PPP1R12B: variants seen among roughly 807,000 people sequenced by gnomAD.
The protein encoded by PPP1R12B is myosin phosphatase target subunit 2.
In PPP1R12B, 76 loss-of-function variants were observed where a neutral mutation model predicts 126.1. The observed-to-expected ratio is 0.60, with a 90% CI of 0.50 to 0.73. The LOEUF (loss-of-function observed/expected upper bound fraction) is 0.73, where lower values mean the gene tolerates loss of function less well. Ranked by LOEUF, PPP1R12B falls within the 30% of genes least tolerant of loss-of-function variation. The pLI, the probability that PPP1R12B is intolerant of heterozygous loss-of-function variation, is 0.00. For synonymous variants in PPP1R12B, 356 were observed against 434.7 expected (o/e 0.82, Z 2.25); for missense variants, 1,052 against 1,205.1 (o/e 0.87, Z 1.88).
intron 18 of PPP1R12B, among the ~76,000 whole-genome samples, chr1:202,500,846 A>G (rs191870244): frequency 2.0e-5 from 3 of 152,260 alleles, no homozygotes; most frequent in Non-Finnish European, 4.4e-5. Context: ...ACGTACTATT[A>G]TAATGCATCA....
At chr1:202,504,002 G>A (rs979255753) in intron 18 of PPP1R12B, among the ~76,000 whole-genome samples, 1 of 152,122 alleles carries the variant, frequency 6.6e-6, no homozygotes, top group Admixed American at 6.5e-5. Context: ...TAATTACCAT[G>A]TCTGCAAATG....
intron 18 of PPP1R12B, among the ~76,000 whole-genome samples, chr1:202,551,735 T>C (rs1464789312): frequency 3.9e-5 from 6 of 152,198 alleles, no homozygotes; most frequent in African/African-American, 1.4e-4. Context: ...GAGAGCCTTC[T>C]CAGCAGATGA....
chr1:202,478,301 A>G (rs916224998), intron 13 of PPP1R12B, among the ~76,000 whole-genome samples: 4 of 152,254 alleles, frequency 2.6e-5, no homozygotes, highest in African/African-American at 7.2e-5. Context: ...GCCCAAGATC[A>G]TAGTTTGCTG....
chr1:202,460,366 G>A (rs568251060), intron 13 of PPP1R12B, among the ~76,000 whole-genome samples: 2 of 152,202 alleles, frequency 1.3e-5, no homozygotes, highest in South Asian at 2.1e-4. Flanking sequence ...TTATAAGCTA[G>A]GTAGTTATAC....
intron 20 of PPP1R12B, among the ~76,000 whole-genome samples, chr1:202,564,143 CA>C (rs199682294): frequency 1.1e-4 from 16 of 150,760 alleles, no homozygotes; most frequent in East Asian, 1.9e-4. Flanking sequence ...AGACTGGTTC[CA>C]AAAAAAAATT....
At chr1:202,560,025 T>C (rs560085095) in intron 19 of PPP1R12B, among the ~76,000 whole-genome samples, 1 of 152,218 alleles carries the variant, frequency 6.6e-6, no homozygotes, top group East Asian at 1.9e-4. Flanking sequence ...ATCACATGTA[T>C]AAGGTGACTT....
At chr1:202,471,225 G>A (rs1675829162) in intron 13 of PPP1R12B, among the ~76,000 whole-genome samples, 1 of 152,042 alleles carries the variant, frequency 6.6e-6, no homozygotes, top group Non-Finnish European at 1.5e-5. Flanking sequence ...TCTGAAACTT[G>A]CTCTTGTCAC....
intron 19 of PPP1R12B, among the ~76,000 whole-genome samples, chr1:202,559,212 G>A (rs1291527171): frequency 6.6e-6 from 1 of 152,242 alleles, no homozygotes; most frequent in South Asian, 2.1e-4. Context: ...GAATAAGACA[G>A]TATCCTTACC....
intron 3 of PPP1R12B, among the ~76,000 whole-genome samples, chr1:202,424,353 T>C (rs1269473609): frequency 5.3e-5 from 8 of 151,034 alleles, no homozygotes; most frequent in Non-Finnish European, 1.2e-4. Flanking sequence ...AGACAGAGTC[T>C]CACTGTGTCT....
At chr1:202,461,137 C>CTTGA (rs1674260189) in intron 13 of PPP1R12B, among the ~76,000 whole-genome samples, 1 of 151,128 alleles carries the variant, frequency 6.6e-6, no homozygotes, top group Non-Finnish European at 1.5e-5. Flanking sequence ...AGAAGGATCA[C>CTTGA]TTGATGCCAG....
At chr1:202,452,305 C>T (rs1273422408) in intron 13 of PPP1R12B, among the ~76,000 whole-genome samples, 6 of 152,158 alleles carry the variant, frequency 3.9e-5, no homozygotes, top group African/African-American at 4.8e-5. Context: ...CCCGGCACCT[C>T]GGGAGGCCAA....
At chr1:202,396,475 CAGTGT>C (rs1477150813) in intron 1 of PPP1R12B, among the ~76,000 whole-genome samples, 2 of 152,088 alleles carry the variant, frequency 1.3e-5, no homozygotes, top group Non-Finnish European at 2.9e-5. Flanking sequence ...ATATATGGGG[CAGTGT>C]TTCACCCATG....
chr1:202,446,277 G>A (rs1277289251), intron 12 of PPP1R12B, among the ~76,000 whole-genome samples: 1 of 58,476 alleles, frequency 1.7e-5, no homozygotes, highest in Non-Finnish European at 2.9e-5. Flanking sequence ...TTTTTGAGAT[G>A]GAATATCGCT....
At chr1:202,578,955 G>A (rs769938651) in intron 23 of PPP1R12B, among the ~76,000 whole-genome samples, 3 of 152,168 alleles carry the variant, frequency 2.0e-5, no homozygotes, top group Non-Finnish European at 4.4e-5. Context: ...TTGGAGTCAG[G>A]CACACTGGGA....
At chr1:202,534,109 G>A (rs575090163) in intron 18 of PPP1R12B, among the ~76,000 whole-genome samples, 147 of 151,894 alleles carry the variant, frequency 9.7e-4, no homozygotes, top group African/African-American at 3.5e-3. Flanking sequence ...TTATATCAAT[G>A]TCTACTCATG....
At chr1:202,401,576 G>A (rs957650088) in intron 1 of PPP1R12B, among the ~76,000 whole-genome samples, 1 of 151,860 alleles carries the variant, frequency 6.6e-6, no homozygotes, top group Non-Finnish European at 1.5e-5. Context: ...ACAAAGAATA[G>A]CATACGTTAA....
At chr1:202,517,197 TAGA>T (rs917093726) in intron 18 of PPP1R12B, among the ~76,000 whole-genome samples, 133 of 152,324 alleles carry the variant, frequency 8.7e-4, no homozygotes, top group African/African-American at 3.1e-3. Flanking sequence ...AGAAAAGTTT[TAGA>T]AGAATTATTA....
chr1:202,435,246 C>T (rs1670662056), intron 9 of PPP1R12B, among the ~76,000 whole-genome samples: 1 of 152,116 alleles, frequency 6.6e-6, no homozygotes, highest in African/African-American at 2.4e-5. Context: ...ACATTCAACC[C>T]ATAACATTGC....
chr1:202,436,514 G>T (rs181823453), intron 9 of PPP1R12B, among the ~76,000 whole-genome samples: 45 of 152,282 alleles, frequency 3.0e-4, no homozygotes, highest in African/African-American at 8.4e-4. Context: ...AGGCAGTAAA[G>T]GTAGCCTGAT....
Sources: allele counts gnomAD v4.1 joint callset (sites outside exome capture counted in the v4.1 genomes callset), GRCh38; gene constraint gnomAD v4.1.1; transcripts MANE v1.5; gene names NCBI Gene and HGNC (gene_info 2026-07-23, HGNC 2026-07-21).